CLEC2D: variants seen among roughly 807,000 people sequenced by gnomAD.
CLEC2D encodes the protein C-type lectin related f.
CLEC2D carries 16 observed loss-of-function variants against 20.0 expected under a neutral mutation model. The ratio of observed to expected loss-of-function variants is 0.80; its 90% confidence interval spans 0.54 to 1.22. The LOEUF (loss-of-function observed/expected upper bound fraction) is 1.22. Ranked by LOEUF, CLEC2D falls within the 50% of genes most tolerant of loss-of-function variation. The pLI is 0.00. For synonymous variants in CLEC2D, 77 were observed against 71.1 expected, an observed-to-expected ratio of 1.08 and a Z score of -0.42; for missense variants, 207 against 221.5, an observed-to-expected ratio of 0.93 and a Z score of 0.42.
intron 3 of CLEC2D, among the ~76,000 whole-genome samples, chr12:9,688,767 G>A (rs1037178013): frequency 6.6e-6 from 1 of 152,120 alleles, no homozygotes; most frequent in Admixed American, 6.5e-5. Context: ...ATGTCATAGA[G>A]GTTGGTAGAC....
intron 1 of CLEC2D, among the ~76,000 whole-genome samples, chr12:9,679,227 T>G (rs1865584069): frequency 6.6e-6 from 1 of 152,162 alleles, no homozygotes; most frequent in Non-Finnish European, 1.5e-5. Flanking sequence ...CAATTAAGAA[T>G]AAGAAAAATA....
chr12:9,693,462 G>A (rs1397420408), intron 4 of CLEC2D: 3 of 187,624 alleles, frequency 1.6e-5, no homozygotes, highest in Non-Finnish European at 3.3e-5. Flanking sequence ...GGAAAAATTG[G>A]ATTCACACAA....
intron 2 of CLEC2D, 108 bp downstream of exon 2, chr12:9,681,141 C>T (rs1241345522): frequency 1.6e-5 from 10 of 637,484 alleles, no homozygotes; most frequent in African/African-American, 3.7e-5. Context: ...TATATTGTCT[C>T]ACTAACTGAG....
intron 1 of CLEC2D, among the ~76,000 whole-genome samples, chr12:9,673,150 CTT>C (rs1865456442): frequency 6.6e-6 from 1 of 152,186 alleles, no homozygotes; most frequent in South Asian, 2.1e-4. Context: ...GGCACTCTGG[CTT>C]TTGGAATTTT....
chr12:9,680,920 C>T lies in CLEC2D; in HGVS notation c.62-3C>T. On this transcript the variant is annotated splice_region_variant and splice_polypyrimidine_tract_variant and intron_variant, in intron 1 of 4. Transcript: ENST00000290855. ...TAAAATGTTTTTCAATAATTTTTTCCAGGTTGTCTGCATTCAAAAGAGCAT... is the reference window on the plus strand; with the variant it reads ...TAAAATGTTTTTCAATAATTTTTTCTAGGTTGTCTGCATTCAAAAGAGCAT... The T allele has an allele frequency of 7.0e-7, 1 of 1,433,818 alleles. No individual in the cohort carries two copies. Among genetic ancestry groups the T allele is most frequent in the Non-Finnish European group, 9.8e-7 (1 of 1,021,626 alleles). The allele number at this position is 1,433,818 out of a possible 1,614,324, so 88.8% of individuals were successfully genotyped here. A position where few individuals can be genotyped will look rare whatever the true frequency, so the allele number is the denominator to read the frequency against.
At position 9,683,004 on chromosome 12, in the gene CLEC2D, G is replaced by A. The variant is rs188982524; in HGVS notation, c.172+1971G>A. ...CCTATTTCTCTACATCCTCTTCAGC[G>A]TCTGTTGTTTCCTGACTTTTTAATG... On this transcript the variant is annotated intron_variant, in intron 2 of 4. Coordinates refer to ENST00000290855, the MANE Select transcript of CLEC2D (RefSeq NM_013269.6). Among the ~76,000 whole-genome samples the A allele has an allele frequency of 4.0e-3, 610 of 152,178 alleles. 3 individuals are homozygous for A. Among genetic ancestry groups the A allele is most frequent in the African/African-American group, 0.013 (534 of 41,532 alleles).
intron 2 of CLEC2D, among the ~76,000 whole-genome samples, chr12:9,684,830 C>T (rs762864597): frequency 1.3e-5 from 2 of 152,120 alleles, no homozygotes; most frequent in South Asian, 4.2e-4. Context: ...GGAATATTGG[C>T]CTGAAATTTT....
In CLEC2D at chr12:9,683,322, G is replaced by GTTTTTTTT. The variant is rs1226655704; in HGVS notation, c.172+2295_172+2296insTTTTTTTT. ...TGCCTGTTCACTCTGATGATAGTTT[G>GTTTTTTTT]TTTTTTGTGTTTGTTTTTTTTTTTT... On this transcript the variant is annotated intron_variant, in intron 2 of 4. Coordinates refer to ENST00000290855, the MANE Select transcript of CLEC2D (RefSeq NM_013269.6). 1.5e-4 allele frequency among the ~76,000 whole-genome samples: 12 copies of GTTTTTTTT among 80,880 alleles called. 3 individuals are homozygous for GTTTTTTTT. The highest frequency in any genetic ancestry group is 1.9e-4 in the African/African-American group (3 of 16,130). The allele number at this position is 80,880 out of a possible 152,430, so 53.1% of individuals were successfully genotyped here. A position where few individuals can be genotyped will look rare whatever the true frequency, so the allele number is the denominator to read the frequency against.
chr12:9,686,225 G>A (rs759464852), intron 2 of CLEC2D, among the ~76,000 whole-genome samples: 4 of 151,692 alleles, frequency 2.6e-5, no homozygotes, highest in Non-Finnish European at 5.9e-5. Flanking sequence ...ACCTCAGTTG[G>A]AAATGCAGAA....
chr12:9,698,448 G>A lies in CLEC2D; in HGVS notation c.*3574G>A, dbSNP rs1866052664. 1 of 152,000 alleles carries A rather than the reference G, an allele frequency of 6.6e-6. No homozygotes were observed. Among genetic ancestry groups the A allele is most frequent in the Admixed American group, 6.6e-5 (1 of 15,234 alleles). 9.4% of individuals were successfully genotyped at this position (152,000 alleles called of 1,614,324 possible). A position where few individuals can be genotyped will look rare whatever the true frequency, so the allele number is the denominator to read the frequency against. Reference sequence around the variant, plus strand: ...AAAATAGTCTTCAATGAATGGTGGTGGGAAAATTGTATATCCACATGCAGA... The same window carrying A: ...AAAATAGTCTTCAATGAATGGTGGTAGGAAAATTGTATATCCACATGCAGA... On this transcript the variant is annotated 3_prime_UTR_variant, in exon 5 of 5. Transcript: ENST00000290855.
chr12:9,696,488 A>G lies in CLEC2D; in HGVS notation c.*1614A>G, dbSNP rs1865996907. On this transcript the variant is annotated 3_prime_UTR_variant, in exon 5 of 5. Coordinates refer to ENST00000290855, the MANE Select transcript of CLEC2D (RefSeq NM_013269.6). ...GACATAGTAGTAGCAGTGGTCAGAC[A>G]TGGAAATGGTGGGGAGACAAAAGTA... The G allele has an allele frequency of 6.9e-6, 2 of 288,120 alleles. No individual in the cohort carries two copies. Among genetic ancestry groups the G allele is most frequent in the Non-Finnish European group, 1.3e-5 (2 of 151,408 alleles). The allele number at this position is 288,120 out of a possible 1,614,324, so 17.8% of individuals were successfully genotyped here. A position where few individuals can be genotyped will look rare whatever the true frequency, so the allele number is the denominator to read the frequency against.
At chr12:9,669,903 A>G in intron 1 of CLEC2D, 108 bp downstream of exon 1, 1 of 775,620 alleles carries the variant, frequency 1.3e-6, no homozygotes, top group Non-Finnish European at 2.2e-6. Flanking sequence ...GTTTTCAAGG[A>G]TAAGAGATGG....
chr12:9,688,402 A>G (rs1469246478), intron 3 of CLEC2D, among the ~76,000 whole-genome samples: 1 of 152,166 alleles, frequency 6.6e-6, no homozygotes, highest in African/African-American at 2.4e-5. Context: ...GTTTGTATGA[A>G]GTTAGCAACA....
Position 9,695,942 on chromosome 12 carries a change from C to G in CLEC2D, c.*1068C>G, listed in dbSNP as rs1231863381. 3 of 1,525,256 alleles carry G rather than the reference C, an allele frequency of 2.0e-6. No individual in the cohort carries two copies. Among genetic ancestry groups the G allele is most frequent in the African/African-American group, 1.4e-5 (1 of 73,010 alleles). 94.5% of individuals were successfully genotyped at this position (1,525,256 alleles called of 1,614,324 possible). On this transcript the variant is annotated 3_prime_UTR_variant, in exon 5 of 5. Coordinates refer to ENST00000290855, the MANE Select transcript of CLEC2D (RefSeq NM_013269.6). ...CCAGTGAAGAAATCTATACGAGATA[C>G]TCCAGCCAAAAATGCACAAAAGTCA... is the stretch of plus-strand genomic sequence containing the variant.
chr12:9,675,228 C>T (rs746968040), intron 1 of CLEC2D, among the ~76,000 whole-genome samples: 1 of 140,264 alleles, frequency 7.1e-6, no homozygotes, highest in Non-Finnish European at 1.5e-5. Flanking sequence ...GAGTCTCACT[C>T]TCTTGCCCAG....
At chr12:9,686,418 T>C (rs1464279271) in intron 2 of CLEC2D, among the ~76,000 whole-genome samples, 1 of 151,942 alleles carries the variant, frequency 6.6e-6, no homozygotes, top group East Asian at 1.9e-4. Context: ...GTTCAAGAAA[T>C]TACATTTTAA....
chr12:9,674,807 G>C (rs1865489894), intron 1 of CLEC2D, among the ~76,000 whole-genome samples: 1 of 152,120 alleles, frequency 6.6e-6, no homozygotes, highest in Admixed American at 6.5e-5. Context: ...AAAGTTTTTA[G>C]TTTTAATGAA....
intron 1 of CLEC2D, among the ~76,000 whole-genome samples, chr12:9,680,550 G>A (rs868252775): frequency 1.1e-4 from 16 of 151,950 alleles, no homozygotes; most frequent in African/African-American, 3.1e-4. Context: ...TATTTTAATC[G>A]ATAGATTTCC....
rs1048676787 is a variant in CLEC2D at position 9,696,980 on chromosome 12, T to A, written c.*2106T>A. On this transcript the variant is annotated 3_prime_UTR_variant, in exon 5 of 5. Transcript: ENST00000290855. ...ACTAACTGAAGTGACCATTAACAGA[T>A]GAATGGATAAAGAAATTGTCATATA... 3.3e-5 allele frequency: 5 copies of A among 151,960 alleles called. No individual in the cohort carries two copies. Among genetic ancestry groups the A allele is most frequent in the Non-Finnish European group, 7.4e-5 (5 of 67,996 alleles). 9.4% of individuals were successfully genotyped at this position (151,960 alleles called of 1,614,324 possible). A position where few individuals can be genotyped will look rare whatever the true frequency, so the allele number is the denominator to read the frequency against.
Sources: allele counts gnomAD v4.1 joint callset (sites outside exome capture counted in the v4.1 genomes callset), GRCh38; gene constraint gnomAD v4.1.1; transcripts MANE v1.5; gene names NCBI Gene and HGNC (gene_info 2026-07-23, HGNC 2026-07-21).